The following HNRNPLL variants were observed in gnomAD, a reference collection of about 807,000 sequenced individuals.
HNRNPLL encodes the protein heterogeneous nuclear ribonucleoprotein L-like.
HNRNPLL carries 25 observed loss-of-function variants against 67.1 expected under a neutral mutation model. The observed-to-expected ratio is 0.37, with a 90% CI of 0.27 to 0.52. The LOEUF (loss-of-function observed/expected upper bound fraction) is 0.52, where lower values mean the gene tolerates loss of function less well. Among genes scored for constraint, HNRNPLL ranks in the 20% least tolerant of loss-of-function variants. The pLI, the probability that HNRNPLL is intolerant of heterozygous loss-of-function variation, is 0.90. For synonymous variants in HNRNPLL, 267 were observed against 241.7 expected (o/e 1.10, Z -0.97); for missense variants, 542 against 673.9 (o/e 0.80, Z 2.17).
rs1378796957 is a variant in HNRNPLL at position 38,563,426 on chromosome 2, AT to A, written c.*755del. 2 of 152,120 alleles carry A rather than the reference AT, an allele frequency of 1.3e-5. No individual in the cohort carries two copies. The highest frequency in any genetic ancestry group is 2.9e-5 in the Non-Finnish European group (2 of 67,958). 9.4% of individuals were successfully genotyped at this position (152,120 alleles called of 1,614,324 possible). ...TTATTATCTATAAGAGGAACTGTTA[AT>A]TATAACCTCTATTAAAATCTCAATG... On this transcript the variant is annotated 3_prime_UTR_variant, in exon 13 of 13. Coordinates refer to ENST00000449105, the MANE Select transcript of HNRNPLL (RefSeq NM_138394.4).
At chr2:38,581,684 G>T (rs929591975) in intron 6 of HNRNPLL, 4 of 538,736 alleles carry the variant, frequency 7.4e-6, no homozygotes, top group Non-Finnish European at 1.3e-5. Context: ...GGGCGTGCCT[G>T]AATGTGTGGG....
rs781094191 is a variant in HNRNPLL, at chr2:38,582,128, G to T, written c.673C>A (p.Leu225Ile). Residue 225 changes from leucine (L) to isoleucine (I), a missense_variant, in exon 5 of 13, where the codon CTC becomes ATC. Physicochemically the swap from Leu to Ile is conservative, Grantham distance 5. This residue lies in a region of HNRNPLL where 415 missense variants were observed against 575.2 expected (regional missense o/e 0.72). Transcript: ENST00000449105. ...VLCAQKAKAA[L>I]NGADIYAGCC... ...CCAGCATATATATCAGCTCCATTGA[G>T]TGCTGCTTTAGCTTTCTGGGCACAA... 1 of 1,614,040 alleles carries T rather than the reference G, an allele frequency of 6.2e-7. No homozygotes were observed. Among genetic ancestry groups the T allele is most frequent in the Non-Finnish European group, 8.5e-7 (1 of 1,179,944 alleles).
intron 8 of HNRNPLL, among the ~76,000 whole-genome samples, chr2:38,572,218 T>TGTTTC (rs1244889768): frequency 4.9e-4 from 75 of 151,532 alleles, no homozygotes; most frequent in African/African-American, 1.7e-3. Flanking sequence ...TGGAATGTTT[T>TGTTTC]GTTTTGTTTT....
chr2:38,580,824 A>T (rs934478748), intron 6 of HNRNPLL, among the ~76,000 whole-genome samples: 1 of 152,250 alleles, frequency 6.6e-6, no homozygotes, highest in Admixed American at 6.5e-5. Context: ...AAGATATTCT[A>T]TCTTGAACAG....
chr2:38,563,738 A>G lies in HNRNPLL; in HGVS notation c.*444T>C, dbSNP rs1359149466. ...CTCAAACTTCATTAAAATAATAAATATACAAGTTATGTTTAATATGAGTAA... is the reference window on the plus strand; with the variant it reads ...CTCAAACTTCATTAAAATAATAAATGTACAAGTTATGTTTAATATGAGTAA... On this transcript the variant is annotated 3_prime_UTR_variant, in exon 13 of 13. Transcript: ENST00000449105. The G allele has an allele frequency of 6.5e-6, 1 of 154,156 alleles. No individual in the cohort carries two copies. The highest frequency in any genetic ancestry group is 1.4e-5 in the Non-Finnish European group (1 of 69,460). 9.5% of individuals were successfully genotyped at this position (154,156 alleles called of 1,614,324 possible). A position where few individuals can be genotyped will look rare whatever the true frequency, so the allele number is the denominator to read the frequency against.
At chr2:38,573,493 G>C in intron 7 of HNRNPLL, 66 bp from the exon 8 acceptor site, 2 of 1,024,112 alleles carry the variant, frequency 2.0e-6, no homozygotes, top group Admixed American at 2.2e-5. Flanking sequence ...AAATACTTTA[G>C]TAGATATACT....
intron 12 of HNRNPLL, 55 bp from the exon 13 acceptor site, chr2:38,564,292 C>T (rs1665764797): frequency 1.1e-6 from 1 of 921,760 alleles, no homozygotes; most frequent in Non-Finnish European, 1.8e-6. Flanking sequence ...TCAAGATCAC[C>T]TTGAAGTATC....
Position 38,585,883 on chromosome 2 carries a change from TGAAAAGGGA to T in HNRNPLL, c.309-11_309-3del. ...TTAAATGGCATCATCATCACATAGCTGAAAAGGGAGAAAAGGAGGAAACACACAAACACA... is the reference window on the plus strand; with the variant it reads ...TTAAATGGCATCATCATCACATAGCTGAAAAGGAGGAAACACACAAACACA... On this transcript the variant is annotated splice_region_variant and splice_polypyrimidine_tract_variant and intron_variant, in intron 2 of 12. Coordinates refer to ENST00000449105, the MANE Select transcript of HNRNPLL (RefSeq NM_138394.4). 2 of 1,559,676 alleles carry T rather than the reference TGAAAAGGGA, an allele frequency of 1.3e-6. No individual in the cohort carries two copies. The highest frequency in any genetic ancestry group is 1.4e-5 in the African/African-American group (1 of 73,968).
chr2:38,567,920 G>A lies in HNRNPLL; in HGVS notation c.1573+279C>T, dbSNP rs535317252. Reference sequence around the variant, plus strand: ...CAACAGTTTGACTGCAACTTCATGGGAGATCCTAAGCCCGAATTGCCCAGC... The same window carrying A: ...CAACAGTTTGACTGCAACTTCATGGAAGATCCTAAGCCCGAATTGCCCAGC... On this transcript the variant is annotated intron_variant, in intron 12 of 12. Transcript: ENST00000449105. Among the ~76,000 whole-genome samples the A allele has an allele frequency of 2.2e-4, 33 of 152,210 alleles. 1 individual carries two copies. The South Asian group carries it at 6.6e-3, about 31-fold the overall frequency.
chr2:38,587,099 G>A (rs1056673021), intron 2 of HNRNPLL, among the ~76,000 whole-genome samples: 6 of 152,020 alleles, frequency 3.9e-5, no homozygotes, highest in Admixed American at 1.3e-4. Flanking sequence ...AAGAAATGTC[G>A]GGTCCAGTAC....
intron 8 of HNRNPLL, among the ~76,000 whole-genome samples, chr2:38,572,556 TA>T (rs765104544): frequency 1.3e-5 from 2 of 152,120 alleles, no homozygotes; most frequent in African/African-American, 2.4e-5. Flanking sequence ...TTTCAAAAAC[TA>T]TTTATCTCAC....
chr2:38,591,628 A>T lies in HNRNPLL; in HGVS notation c.210T>A (p.His70Gln). ...GGACGACGGGTGAAACAGAAACTTTATGATGACTTCCACCTGCCTCCTAGC... is the reference window on the plus strand; with the variant it reads ...GGACGACGGGTGAAACAGAAACTTTTTGATGACTTCCACCTGCCTCCTAGC... ...FSQPEAGGSH[H>Q]KVSVSPVVHV... Residue 70 changes from histidine (H) to glutamine (Q), a missense_variant, in exon 2 of 13, where the codon CAT becomes CAA. Around this residue, in one of 2 missense-constraint regions of HNRNPLL, gnomAD observed 127 missense variants for 98.7 expected, o/e 1.29. Transcript: ENST00000449105. The T allele has an allele frequency of 1.2e-6, 2 of 1,612,194 alleles. No individual in the cohort carries two copies. The highest frequency in any genetic ancestry group is 1.7e-6 in the Non-Finnish European group (2 of 1,178,280).
At chr2:38,581,211 G>A (rs534560838) in intron 6 of HNRNPLL, 1 of 152,286 alleles carries the variant, frequency 6.6e-6, no homozygotes, top group Non-Finnish European at 1.5e-5. Flanking sequence ...TCACAGTAAT[G>A]GGCATTAAGA....
chr2:38,578,513 C>A, intron 6 of HNRNPLL, among the ~76,000 whole-genome samples: 1 of 152,030 alleles, frequency 6.6e-6, no homozygotes, highest in East Asian at 1.9e-4. Context: ...TATCCTTAGT[C>A]ACCTAAACAA....
chr2:38,585,926 C>T (rs760274683), intron 2 of HNRNPLL, 45 bp from the exon 3 acceptor site: 7 of 1,135,608 alleles, frequency 6.2e-6, no homozygotes, highest in East Asian at 2.3e-5. Flanking sequence ...CAGCAAGTTC[C>T]GTTAACATTA....
intron 7 of HNRNPLL, among the ~76,000 whole-genome samples, 192 bp downstream of exon 7, chr2:38,577,269 A>C (rs536603794): frequency 6.6e-6 from 1 of 151,942 alleles, no homozygotes; most frequent in Non-Finnish European, 1.5e-5. Context: ...TATCTCAAGG[A>C]TTTTTTTTAA....
intron 1 of HNRNPLL, among the ~76,000 whole-genome samples, chr2:38,594,423 GA>G (rs1433594890): frequency 6.6e-6 from 1 of 152,058 alleles, no homozygotes; most frequent in Non-Finnish European, 1.5e-5. Flanking sequence ...GAAATGTCAT[GA>G]TGTTTGAAAT....
At chr2:38,587,612 G>A (rs1666786317) in intron 2 of HNRNPLL, among the ~76,000 whole-genome samples, 1 of 151,646 alleles carries the variant, frequency 6.6e-6, no homozygotes, top group South Asian at 2.2e-4. Flanking sequence ...AGAAAATGCT[G>A]GTATCAGGTC....
At chr2:38,589,835 A>G (rs954329801) in intron 2 of HNRNPLL, among the ~76,000 whole-genome samples, 4 of 152,212 alleles carry the variant, frequency 2.6e-5, no homozygotes, top group Admixed American at 2.0e-4. Context: ...TCTGCCTAAG[A>G]AAATAAATTT....
Sources: gnomAD v4.1 joint callset for allele counts (sites outside exome capture counted in the v4.1 genomes callset) on GRCh38, gnomAD v4.1.1 for gene constraint, gnomAD v4.1.1 regional missense constraint, MANE v1.5 for transcripts, NCBI Gene and HGNC (gene_info 2026-07-23, HGNC 2026-07-21) for gene names.